EXOC4: variants seen among roughly 807,000 people sequenced by gnomAD.
EXOC4 encodes exocyst complex component 4.
In EXOC4, 71 loss-of-function variants were observed where a neutral mutation model predicts 107.2. The observed-to-expected ratio is 0.66, with a 90% CI of 0.55 to 0.81. The LOEUF (loss-of-function observed/expected upper bound fraction) is 0.81. Ranked by LOEUF, EXOC4 falls within the 30% of genes least tolerant of loss-of-function variation. The pLI, the probability that EXOC4 is intolerant of heterozygous loss-of-function variation, is 0.00. For synonymous variants in EXOC4, 456 were observed against 441.2 expected, an observed-to-expected ratio of 1.03 and a Z score of -0.42; for missense variants, 1,108 against 1,189.6, an observed-to-expected ratio of 0.93 and a Z score of 1.01.
chr7:133,614,873 A>G lies in EXOC4; in HGVS notation c.1418-15172A>G, dbSNP rs183526613. Reference sequence around the variant, plus strand: ...ATCTTGGAGAAATTCAAGGGCTAGCAGACAACATACCAGAGGAATTAACAA... The same window carrying G: ...ATCTTGGAGAAATTCAAGGGCTAGCGGACAACATACCAGAGGAATTAACAA... On this transcript the variant is annotated intron_variant, in intron 9 of 17. Coordinates refer to ENST00000253861, the MANE Select transcript of EXOC4 (RefSeq NM_021807.4). Among the ~76,000 whole-genome samples the G allele has an allele frequency of 1.9e-3, 282 of 151,754 alleles. 3 individuals carry two copies. Among genetic ancestry groups the G allele is most frequent in the Non-Finnish European group, 2.9e-3 (199 of 67,886 alleles).
At chr7:134,050,864 C>G (rs958602897) in intron 17 of EXOC4, among the ~76,000 whole-genome samples, 1 of 151,988 alleles carries the variant, frequency 6.6e-6, no homozygotes, top group Non-Finnish European at 1.5e-5. Flanking sequence ...GTGATATGAT[C>G]CAACTAAGAA....
At chr7:133,272,350 C>G (rs1793892012) in intron 1 of EXOC4, among the ~76,000 whole-genome samples, 1 of 152,240 alleles carries the variant, frequency 6.6e-6, no homozygotes, top group Middle Eastern at 3.4e-3. Flanking sequence ...CGTACTATTC[C>G]TAACCTTCAT....
At chr7:133,345,329 C>A (rs1198630240) in intron 5 of EXOC4, among the ~76,000 whole-genome samples, 1 of 152,100 alleles carries the variant, frequency 6.6e-6, no homozygotes, top group Non-Finnish European at 1.5e-5. Flanking sequence ...TGTATGATGC[C>A]AAGCTCTTGT....
intron 9 of EXOC4, chr7:133,551,773 A>G: frequency 6.6e-6 from 1 of 152,180 alleles, no homozygotes; most frequent in East Asian, 1.9e-4. Flanking sequence ...TAAATAAGGA[A>G]ATGAAAATAA....
At chr7:133,730,291 G>C (rs1013825664) in intron 10 of EXOC4, among the ~76,000 whole-genome samples, 2 of 151,252 alleles carry the variant, frequency 1.3e-5, no homozygotes, top group Non-Finnish European at 3.0e-5. Flanking sequence ...TTGTTAAATG[G>C]GCTTAAAATT....
At chr7:134,069,851 T>C (rs1180053428), downstream of EXOC4, among the ~76,000 whole-genome samples, 2 of 152,152 alleles carry the variant, frequency 1.3e-5, no homozygotes, top group East Asian at 3.9e-4. Context: ...GAATTCAGGA[T>C]TCTTACTTTG....
intron 10 of EXOC4, among the ~76,000 whole-genome samples, chr7:133,705,047 C>T (rs866959102): frequency 7.2e-5 from 11 of 152,034 alleles, no homozygotes; most frequent in Non-Finnish European, 7.4e-5. Context: ...GCAGAAAAGC[C>T]GGGTAGATAC....
chr7:133,961,696 T>C (rs974739115), intron 14 of EXOC4, among the ~76,000 whole-genome samples: 3 of 152,162 alleles, frequency 2.0e-5, no homozygotes, highest in Non-Finnish European at 4.4e-5. Flanking sequence ...GCTAACACAG[T>C]AAGTATTAAT....
chr7:134,096,513 A>C, the EXOC4 span, among the ~76,000 whole-genome samples: 4 of 152,170 alleles, frequency 2.6e-5, no homozygotes, highest in African/African-American at 9.7e-5. Context: ...ACAAGGTGTA[A>C]GTCCCACAAT....
intron 9 of EXOC4, among the ~76,000 whole-genome samples, chr7:133,535,076 C>G (rs548519787): frequency 7.9e-5 from 12 of 152,178 alleles, no homozygotes; most frequent in Admixed American, 3.3e-4. Flanking sequence ...CGTGGAAGAA[C>G]CGTATTTTAT....
chr7:133,951,217 A>G (rs1241088642), intron 14 of EXOC4, among the ~76,000 whole-genome samples: 1 of 152,162 alleles, frequency 6.6e-6, no homozygotes, highest in Non-Finnish European at 1.5e-5. Context: ...AGGCAACCTC[A>G]ACATCTGTTA....
chr7:133,965,126 T>G (rs1323893084), intron 14 of EXOC4, among the ~76,000 whole-genome samples: 1 of 152,266 alleles, frequency 6.6e-6, no homozygotes, highest in African/African-American at 2.4e-5. Flanking sequence ...CATGAATGTC[T>G]TCTTTTGAGA....
rs569455208 is a variant in EXOC4, at chr7:133,872,630, G to T, written c.1735-22969G>T. ...CAGAGAGTTTAAAAGAAAAAAATGAGAAACCATTAAAATGATTTGAATGCT... is the reference window on the plus strand; with the variant it reads ...CAGAGAGTTTAAAAGAAAAAAATGATAAACCATTAAAATGATTTGAATGCT... On this transcript the variant is annotated intron_variant, in intron 11 of 17. Coordinates refer to ENST00000253861, the MANE Select transcript of EXOC4 (RefSeq NM_021807.4). Among the ~76,000 whole-genome samples the T allele has an allele frequency of 1.1e-4, 17 of 152,282 alleles. No homozygotes were observed. The South Asian group carries it at 2.5e-3, about 22-fold the overall frequency.
At chr7:134,047,537 C>T (rs1052918133) in intron 17 of EXOC4, among the ~76,000 whole-genome samples, 5 of 152,166 alleles carry the variant, frequency 3.3e-5, no homozygotes, top group African/African-American at 7.2e-5. Flanking sequence ...CACAAATCCC[C>T]ATTCTACAAC....
chr7:133,424,056 C>G (rs6975722), intron 7 of EXOC4, among the ~76,000 whole-genome samples: 117,556 of 151,942 alleles, frequency 0.77, 46,104 homozygotes, highest in East Asian at 0.95. Context: ...CCAGTCAGCT[C>G]TCTGTAAAAT....
intron 7 of EXOC4, among the ~76,000 whole-genome samples, chr7:133,448,198 C>T (rs1174225642): frequency 2.6e-5 from 4 of 152,208 alleles, no homozygotes. Context: ...CCCCACTGCA[C>T]TCAGTCTAGT....
chr7:133,959,871 A>G (rs1279264586), intron 14 of EXOC4, among the ~76,000 whole-genome samples: 1 of 152,204 alleles, frequency 6.6e-6, no homozygotes, highest in Non-Finnish European at 1.5e-5. Flanking sequence ...CCACACTACC[A>G]GTTCCATGTA....
At chr7:133,721,458 AGTCTCATTCCTGTTCCTAAT>A (rs1445937516) in intron 10 of EXOC4, among the ~76,000 whole-genome samples, 2 of 152,198 alleles carry the variant, frequency 1.3e-5, no homozygotes, top group African/African-American at 4.8e-5. Flanking sequence ...GAAGTCAAGG[AGTCTCATTCCTGTTCCTAAT>A]GTTGTCAGAG....
rs150799355 is a variant in EXOC4, at chr7:133,747,458, C to T, written c.1515-69867C>T. ...TCACTATCACTGTTATTTTATTTTT[C>T]TTACAGGGAATAAACTTGGCATGTT... On this transcript the variant is annotated intron_variant, in intron 10 of 17. Transcript: ENST00000253861. Among the ~76,000 whole-genome samples the T allele has an allele frequency of 3.6e-3, 553 of 152,168 alleles. 2 individuals carry two copies. Among genetic ancestry groups the T allele is most frequent in the East Asian group, 0.026 (137 of 5,172 alleles).
Sources: gnomAD v4.1 joint callset for allele counts (sites outside exome capture counted in the v4.1 genomes callset) on GRCh38, gnomAD v4.1.1 for gene constraint, MANE v1.5 for transcripts, NCBI Gene and HGNC (gene_info 2026-07-23, HGNC 2026-07-21) for gene names.